Variants in SH3PXD2B observed in about 807,000 individuals in gnomAD.
The protein encoded by SH3PXD2B is SH3 and PX domains 2B.
SH3PXD2B carries 37 observed loss-of-function variants against 73.1 expected under a neutral mutation model. The ratio of observed to expected loss-of-function variants is 0.51; its 90% CI spans 0.39 to 0.67. The LOEUF is 0.67. Among genes scored for constraint, SH3PXD2B ranks in the 30% least tolerant of loss-of-function variants. The pLI is 0.00. For synonymous variants in SH3PXD2B, 457 were observed against 480.5 expected (o/e 0.95, Z 0.64); for missense variants, 1,053 against 1,197.8 (o/e 0.88, Z 1.78).
intron 1 of SH3PXD2B, among the ~76,000 whole-genome samples, chr5:172,437,473 G>A (rs1759421472): frequency 6.6e-6 from 1 of 152,156 alleles, no homozygotes; most frequent in African/African-American, 2.4e-5. Flanking sequence ...CTGAGGTCGA[G>A]AGGCTGGGAA....
chr5:172,368,162 A>T (rs187041848), intron 6 of SH3PXD2B, among the ~76,000 whole-genome samples: 1 of 151,958 alleles, frequency 6.6e-6, no homozygotes. Flanking sequence ...TCTTCTCCAG[A>T]TATGTGCATA....
intron 11 of SH3PXD2B, 101 bp downstream of exon 11, chr5:172,347,182 G>T: frequency 1.7e-6 from 2 of 1,185,868 alleles, no homozygotes; most frequent in Admixed American, 1.7e-5. Flanking sequence ...GGACAGGAAA[G>T]AGAGCATTTC....
chr5:172,399,098 A>G (rs1758372152), intron 3 of SH3PXD2B, among the ~76,000 whole-genome samples: 1 of 152,204 alleles, frequency 6.6e-6, no homozygotes, highest in South Asian at 2.1e-4. Context: ...AGTTCCTTTA[A>G]AACAGCTTGA....
rs1757198153 is a variant in SH3PXD2B, at chr5:172,353,302, G to A, written c.785+586C>T. 6.6e-6 allele frequency among the ~76,000 whole-genome samples: 1 copy of A among 152,130 alleles called. No individual in the cohort carries two copies. The highest frequency in any genetic ancestry group is 6.5e-5 in the Admixed American group (1 of 15,272). ...TTCCCATGGTCACATCCTGCCTATTGGGGGTGATCAAGGAGGGGTTCCCAG... is the reference window on the plus strand; with the variant it reads ...TTCCCATGGTCACATCCTGCCTATTAGGGGTGATCAAGGAGGGGTTCCCAG... On this transcript the variant is annotated intron_variant, in intron 9 of 12. Transcript: ENST00000311601. The surrounding 1 kb of genome is among the most constrained non-coding windows in gnomAD (Gnocchi z 4.3).
intron 2 of SH3PXD2B, among the ~76,000 whole-genome samples, chr5:172,410,620 TA>T (rs930362365): frequency 4.6e-5 from 7 of 151,754 alleles, no homozygotes; most frequent in African/African-American, 7.3e-5. Flanking sequence ...GTTTACTGAT[TA>T]AAAAAAAATT....
intron 5 of SH3PXD2B, among the ~76,000 whole-genome samples, chr5:172,376,845 G>A (rs936509393): frequency 2.0e-5 from 3 of 152,246 alleles, no homozygotes; most frequent in East Asian, 3.9e-4. Flanking sequence ...AGATACTGAC[G>A]CCCAGAGAGG....
At chr5:172,394,366 TGGAAA>T (rs1214334493) in intron 4 of SH3PXD2B, among the ~76,000 whole-genome samples, 192 bp downstream of exon 4, 2 of 151,984 alleles carry the variant, frequency 1.3e-5, no homozygotes, top group African/African-American at 4.8e-5. Flanking sequence ...AAAGAAAAGG[TGGAAA>T]GGAAATATGT....
intron 6 of SH3PXD2B, among the ~76,000 whole-genome samples, chr5:172,364,947 G>A (rs920086396): frequency 2.6e-5 from 4 of 152,082 alleles, no homozygotes; most frequent in Admixed American, 6.6e-5. Flanking sequence ...CAGCACAGAA[G>A]CCCCTTGTTA....
At chr5:172,392,907 A>G (rs576521037) in intron 4 of SH3PXD2B, among the ~76,000 whole-genome samples, 1 of 152,326 alleles carries the variant, frequency 6.6e-6, no homozygotes, top group East Asian at 1.9e-4. Context: ...TGGACTCTCA[A>G]TGTTGTTCCG....
At chr5:172,401,724 C>T (rs1758425377) in intron 3 of SH3PXD2B, among the ~76,000 whole-genome samples, 1 of 152,196 alleles carries the variant, frequency 6.6e-6, no homozygotes, top group Non-Finnish European at 1.5e-5. Context: ...TTTATAATTT[C>T]TTACGCCTGT....
At chr5:172,422,286 C>T (rs1219081403) in intron 2 of SH3PXD2B, 130 bp downstream of exon 2, 21 of 863,922 alleles carry the variant, frequency 2.4e-5, no homozygotes, top group African/African-American at 6.7e-5. Flanking sequence ...TGAGCCACCA[C>T]GCCCAGCCAT....
chr5:172,402,047 A>G (rs1268546970), intron 3 of SH3PXD2B, among the ~76,000 whole-genome samples: 2 of 152,252 alleles, frequency 1.3e-5, no homozygotes, highest in Non-Finnish European at 2.9e-5. Context: ...GAACAGAGCC[A>G]TATTTCTCTT....
intron 2 of SH3PXD2B, among the ~76,000 whole-genome samples, chr5:172,409,298 C>T (rs1431613916): frequency 1.3e-5 from 2 of 152,106 alleles, no homozygotes; most frequent in African/African-American, 4.8e-5. Flanking sequence ...AGGAGAATTG[C>T]TTGAACCTGG....
chr5:172,328,118 ATTTTTT>A (rs145836169), intron 12 of SH3PXD2B, among the ~76,000 whole-genome samples: 97 of 139,974 alleles, frequency 6.9e-4, no homozygotes, highest in East Asian at 2.1e-3. Flanking sequence ...TAGTAGGCTG[ATTTTTT>A]TTTTTTTTTT....
In SH3PXD2B at chr5:172,358,223, G is replaced by C. The variant is rs941425083; in HGVS notation, c.667+550C>G. Among the ~76,000 whole-genome samples the C allele has an allele frequency of 2.6e-5, 4 of 152,146 alleles. No homozygotes were observed. In the East Asian group the frequency reaches 5.8e-4, roughly 22 times the overall value. Reference sequence around the variant, plus strand: ...CCCTAGTTTTAGGAATGTTTCTAGCGGGGAAAGGGAGTTGGCTGGGACTTA... The same window carrying C: ...CCCTAGTTTTAGGAATGTTTCTAGCCGGGAAAGGGAGTTGGCTGGGACTTA... On this transcript the variant is annotated intron_variant, in intron 8 of 12. Coordinates refer to ENST00000311601, the MANE Select transcript of SH3PXD2B (RefSeq NM_001017995.3).
At chr5:172,447,403 C>T (rs181242563) in intron 1 of SH3PXD2B, among the ~76,000 whole-genome samples, 236 of 152,246 alleles carry the variant, frequency 1.6e-3, no homozygotes, top group Admixed American at 2.8e-3. Context: ...GGATATAGCA[C>T]GTTTTATCTT....
At chr5:172,354,126 C>CT in intron 8 of SH3PXD2B, 121 bp from the exon 9 acceptor site, 1 of 946,448 alleles carries the variant, frequency 1.1e-6, no homozygotes, top group African/African-American at 1.6e-5. Context: ...CTGGGCACCC[C>CT]CCCTGGCCCT....
At chr5:172,404,317 T>TATA (rs199725039) in intron 3 of SH3PXD2B, among the ~76,000 whole-genome samples, 5 of 134,456 alleles carry the variant, frequency 3.7e-5, no homozygotes, top group African/African-American at 1.3e-4. Flanking sequence ...TATATATATA[T>TATA]TTTTTTTTGA....
At chr5:172,346,008 C>G in intron 12 of SH3PXD2B, 128 bp downstream of exon 12, 4 of 1,427,672 alleles carry the variant, frequency 2.8e-6, no homozygotes. Flanking sequence ...GGTATGTGAA[C>G]CATAAAGCTG....
Sources: gnomAD v4.1 joint callset for allele counts (sites outside exome capture counted in the v4.1 genomes callset) on GRCh38, gnomAD v4.1.1 for gene constraint, Gnocchi (gnomAD v3.1) non-coding constraint, MANE v1.5 for transcripts, NCBI Gene and HGNC (gene_info 2026-07-23, HGNC 2026-07-21) for gene names.